The following PTK2B variants were observed in gnomAD, a reference collection of about 807,000 sequenced individuals.
PTK2B encodes protein-tyrosine kinase 2-beta.
A neutral mutation model predicts 142.9 loss-of-function variants in PTK2B; 71 were observed. That is an observed-to-expected ratio of 0.50 (90% CI 0.41 to 0.61). The LOEUF is 0.61. Ranked by LOEUF, PTK2B falls within the 20% of genes least tolerant of loss-of-function variation. The probability of loss-of-function intolerance (pLI) is 0.00; values close to 1 mark genes in which losing one functional copy is unlikely to be tolerated. For synonymous variants in PTK2B, 519 were observed against 503.4 expected, an observed-to-expected ratio of 1.03 and a Z score of -0.42; for missense variants, 1,105 against 1,320.4, an observed-to-expected ratio of 0.84 and a Z score of 2.53.
intron 28 of PTK2B, 34 bp downstream of exon 28, chr8:27,453,194 G>A: frequency 6.2e-7 from 1 of 1,613,070 alleles, no homozygotes; most frequent in Non-Finnish European, 8.5e-7. Context: ...TGATAAATGA[G>A]AGTGGGGGTT....
chr8:27,430,203 T>A (rs1210571076), intron 6 of PTK2B, 48 bp downstream of exon 6: 3 of 1,590,320 alleles, frequency 1.9e-6, no homozygotes, highest in Non-Finnish European at 2.6e-6. Context: ...TCCTTCCATG[T>A]GTACTTTTCC....
chr8:27,422,168 C>A (rs1229712934), intron 4 of PTK2B, 136 bp from the exon 5 acceptor site: 2 of 780,254 alleles, frequency 2.6e-6, no homozygotes, highest in Admixed American at 3.1e-5. Context: ...TCCATCCCTG[C>A]TCCATGCTTG....
intron 1 of PTK2B, among the ~76,000 whole-genome samples, chr8:27,345,410 C>T (rs1460485765): frequency 6.6e-6 from 1 of 152,220 alleles, no homozygotes; most frequent in Non-Finnish European, 1.5e-5. Flanking sequence ...CATGCCACAT[C>T]CTTGGGGCAG....
intron 2 of PTK2B, among the ~76,000 whole-genome samples, chr8:27,412,668 ATC>A (rs1809140933): frequency 6.6e-6 from 1 of 152,148 alleles, no homozygotes; most frequent in Non-Finnish European, 1.5e-5. Context: ...TGAAGCTGAA[ATC>A]TATCTTCCTA....
intron 2 of PTK2B, among the ~76,000 whole-genome samples, chr8:27,405,589 A>G (rs1331168585): frequency 6.6e-6 from 1 of 152,032 alleles, no homozygotes; most frequent in African/African-American, 2.4e-5. Context: ...GACCTTCTGC[A>G]CCCCCTCCCT....
chr8:27,319,536 C>T (rs777931984), intron 3 of PTK2B, among the ~76,000 whole-genome samples: 2 of 148,232 alleles, frequency 1.3e-5, no homozygotes, highest in Non-Finnish European at 3.0e-5. Context: ...CCCAGCTACT[C>T]GGGAGGCTGA....
chr8:27,430,510 C>G, intron 7 of PTK2B, 92 bp downstream of exon 7: 1 of 1,535,516 alleles, frequency 6.5e-7, no homozygotes. Flanking sequence ...CTCAGAGAAG[C>G]CAGGGTATCT....
At chr8:27,392,643 G>A (rs1807797443) in intron 1 of PTK2B, among the ~76,000 whole-genome samples, 1 of 152,158 alleles carries the variant, frequency 6.6e-6, no homozygotes, top group Non-Finnish European at 1.5e-5. Context: ...GTGAGCGCAA[G>A]GGAAGATGGC....
intron 1 of PTK2B, among the ~76,000 whole-genome samples, chr8:27,337,573 C>T (rs959689101): frequency 6.6e-6 from 1 of 152,202 alleles, no homozygotes; most frequent in Non-Finnish European, 1.5e-5. Context: ...ATGGATCTGC[C>T]TTTTCTGGTC....
intron 2 of PTK2B, among the ~76,000 whole-genome samples, chr8:27,413,798 T>C (rs890429465): frequency 6.6e-6 from 1 of 152,210 alleles, no homozygotes; most frequent in East Asian, 1.9e-4. Flanking sequence ...TCATCACCCA[T>C]TGATGAATCC....
chr8:27,368,902 GC>G (rs773533179), intron 1 of PTK2B, among the ~76,000 whole-genome samples: 3 of 152,168 alleles, frequency 2.0e-5, no homozygotes, highest in Non-Finnish European at 4.4e-5. Context: ...GAAGGAGGAA[GC>G]AGGGGTGGGC....
chr8:27,449,039 C>A (rs1417756380), intron 24 of PTK2B, among the ~76,000 whole-genome samples: 1 of 152,146 alleles, frequency 6.6e-6, no homozygotes, highest in Admixed American at 6.5e-5. Flanking sequence ...TGGGGTGGTG[C>A]TATAGGCATA....
intron 2 of PTK2B, among the ~76,000 whole-genome samples, chr8:27,406,105 G>C (rs1038970726): frequency 1.3e-5 from 2 of 152,196 alleles, no homozygotes; most frequent in African/African-American, 4.8e-5. Context: ...GCTTCTGGTA[G>C]CTCTAGGCAT....
intron 5 of PTK2B, among the ~76,000 whole-genome samples, chr8:27,429,226 A>G (rs938666986): frequency 1.3e-5 from 2 of 152,224 alleles, no homozygotes; most frequent in African/African-American, 4.8e-5. Context: ...TTTTCTAAAG[A>G]CAATGAACTG....
chr8:27,361,449 C>A (rs919739373), intron 1 of PTK2B, among the ~76,000 whole-genome samples: 1 of 152,136 alleles, frequency 6.6e-6, no homozygotes, highest in Non-Finnish European at 1.5e-5. Context: ...TTCTTGAACT[C>A]CTGGCCTCAA....
chr8:27,342,632 T>C (rs1247447402), intron 1 of PTK2B, among the ~76,000 whole-genome samples: 1 of 152,044 alleles, frequency 6.6e-6, no homozygotes, highest in African/African-American at 2.4e-5. Flanking sequence ...CTTCGAACCC[T>C]CCCCCTGTGT....
chr8:27,350,089 A>G (rs1438483472), intron 1 of PTK2B, among the ~76,000 whole-genome samples: 1 of 152,242 alleles, frequency 6.6e-6, no homozygotes, highest in East Asian at 1.9e-4. Context: ...GAGTCAGAGC[A>G]TACTCAAAGC....
At chr8:27,455,426 A>C (rs925855784) in intron 30 of PTK2B, among the ~76,000 whole-genome samples, 1 of 152,212 alleles carries the variant, frequency 6.6e-6, no homozygotes, top group Non-Finnish European at 1.5e-5. Context: ...GCCTGTGCCT[A>C]TAGTCCCAGC....
intron 1 of PTK2B, among the ~76,000 whole-genome samples, chr8:27,332,763 G>A (rs527312434): frequency 6.6e-4 from 101 of 152,196 alleles, no homozygotes; most frequent in Middle Eastern, 3.4e-3. Flanking sequence ...TAAAATTTTT[G>A]TAGAGACGAT....
Sources: gnomAD v4.1 joint callset for allele counts (sites outside exome capture counted in the v4.1 genomes callset) on GRCh38, gnomAD v4.1.1 for gene constraint, MANE v1.5 for transcripts, NCBI Gene and HGNC (gene_info 2026-07-23, HGNC 2026-07-21) for gene names.